Variants in DPP6 observed in about 807,000 individuals in gnomAD.
DPP6 encodes the protein A-type potassium channel modulatory protein DPP6.
In DPP6, 69 loss-of-function variants were observed where a neutral mutation model predicts 122.6. The observed-to-expected ratio is 0.56, with a 90% confidence interval of 0.46 to 0.69. DPP6 has a LOEUF of 0.69. DPP6 is among the 30% of genes least tolerant of loss of function. The probability of loss-of-function intolerance (pLI) is 0.00; values close to 1 mark genes in which losing one functional copy is unlikely to be tolerated. For missense variants in DPP6, 928 were observed against 1,116.9 expected (o/e 0.83, Z 2.41); for synonymous variants, 418 against 433.1 (o/e 0.97, Z 0.43).
At chr7:154,035,879 A>G (rs1316171879) in intron 1 of DPP6, among the ~76,000 whole-genome samples, 1 of 152,142 alleles carries the variant, frequency 6.6e-6, no homozygotes, top group Non-Finnish European at 1.5e-5. Flanking sequence ...TCTCCTTGAT[A>G]TTAGAGACCT....
intron 8 of DPP6, among the ~76,000 whole-genome samples, chr7:154,735,609 G>T (rs1250117507): frequency 6.6e-6 from 1 of 152,136 alleles, no homozygotes; most frequent in African/African-American, 2.4e-5. Flanking sequence ...AAGTATTAAT[G>T]ATCTTGACTT....
At chr7:154,543,419 C>T (rs1563829450) in intron 4 of DPP6, among the ~76,000 whole-genome samples, 1 of 152,212 alleles carries the variant, frequency 6.6e-6, no homozygotes, top group Non-Finnish European at 1.5e-5. Context: ...TTCTTCTTTG[C>T]TCCTGCGCTT....
chr7:154,271,489 T>C (rs1381898024), intron 1 of DPP6, among the ~76,000 whole-genome samples: 1 of 152,208 alleles, frequency 6.6e-6, no homozygotes. Flanking sequence ...TAATGAGGAC[T>C]GAAGAGAAGT....
In DPP6 at chr7:154,082,846, C is replaced by CTTTCTTTTT. The variant is rs1260484862; in HGVS notation, c.243+29786_243+29787insCTTTTTTTT. On this transcript the variant is annotated intron_variant, in intron 1 of 25. Transcript: ENST00000377770. ...CTGTGTGTGCCTATCTTTTCTTTTT[C>CTTTCTTTTT]TTTTTTTTTTTTTTTTTTTTGAGAT... Among the ~76,000 whole-genome samples the CTTTCTTTTT allele has an allele frequency of 2.5e-4, 27 of 106,248 alleles. 1 individual carries two copies. Among genetic ancestry groups the CTTTCTTTTT allele is most frequent in the African/African-American group, 6.0e-4 (15 of 24,928 alleles). The allele number at this position is 106,248 out of a possible 152,430, so 69.7% of individuals were successfully genotyped here. A position where few individuals can be genotyped will look rare whatever the true frequency, so the allele number is the denominator to read the frequency against.
chr7:153,861,102 T>A, the DPP6 span, among the ~76,000 whole-genome samples: 113 of 152,340 alleles, frequency 7.4e-4, no homozygotes, highest in African/African-American at 2.3e-3. Flanking sequence ...TGCTTTTTTT[T>A]AAAATCATAT....
intron 4 of DPP6, among the ~76,000 whole-genome samples, chr7:154,550,062 C>T (rs1207940411): frequency 6.6e-6 from 1 of 152,020 alleles, no homozygotes; most frequent in Non-Finnish European, 1.5e-5. Flanking sequence ...TTAAATTGAA[C>T]ATAACTTTAA....
chr7:154,567,724 C>T (rs1329766354), intron 5 of DPP6, among the ~76,000 whole-genome samples: 6 of 152,150 alleles, frequency 3.9e-5, no homozygotes, highest in African/African-American at 9.7e-5. Flanking sequence ...TTTCCTGGTG[C>T]TTCTGTGAGG....
intron 1 of DPP6, among the ~76,000 whole-genome samples, chr7:153,968,302 G>T (rs1385304733): frequency 6.6e-6 from 1 of 151,736 alleles, no homozygotes; most frequent in Non-Finnish European, 1.5e-5. Flanking sequence ...TTTCCCTGAT[G>T]ATGAGTGATG....
chr7:154,785,311 CTCCTGATATATACCA>C (rs1797274254), intron 10 of DPP6, among the ~76,000 whole-genome samples: 1 of 152,196 alleles, frequency 6.6e-6, no homozygotes, highest in East Asian at 1.9e-4. Flanking sequence ...TTTACACTTT[CTCCTGATATATACCA>C]TCCTATATGG....
At chr7:154,366,208 T>C (rs1812176269) in intron 1 of DPP6, among the ~76,000 whole-genome samples, 1 of 152,168 alleles carries the variant, frequency 6.6e-6, no homozygotes, top group East Asian at 1.9e-4. Flanking sequence ...CAGATTCTGT[T>C]TGGCTGACCA....
chr7:154,881,037 G>T, intron 21 of DPP6, 95 bp downstream of exon 21: 1 of 1,445,444 alleles, frequency 6.9e-7, no homozygotes, highest in Non-Finnish European at 9.1e-7. Flanking sequence ...GAACGTCTGT[G>T]GTCTGCTGGT....
At chr7:154,601,507 C>A (rs372957572) in intron 5 of DPP6, among the ~76,000 whole-genome samples, 2 of 120,648 alleles carry the variant, frequency 1.7e-5, no homozygotes, top group East Asian at 3.6e-4. Context: ...TTCTTCAGTC[C>A]ATTTGTTTGA....
At chr7:154,275,060 G>A (rs1804040331) in intron 1 of DPP6, among the ~76,000 whole-genome samples, 1 of 152,242 alleles carries the variant, frequency 6.6e-6, no homozygotes, top group Non-Finnish European at 1.5e-5. Context: ...GCTCAGGGCA[G>A]CACCTGTGTC....
chr7:153,792,850 C>T, the DPP6 span, among the ~76,000 whole-genome samples: 4 of 152,118 alleles, frequency 2.6e-5, no homozygotes, highest in African/African-American at 9.6e-5. Context: ...CAGTCTTTCC[C>T]ATGCTATTCT....
At chr7:154,765,340 C>G (rs1231442239) in intron 8 of DPP6, among the ~76,000 whole-genome samples, 1 of 152,190 alleles carries the variant, frequency 6.6e-6, no homozygotes, top group East Asian at 1.9e-4. Context: ...GTATAAGCAG[C>G]ACACACATGC....
intron 10 of DPP6, among the ~76,000 whole-genome samples, chr7:154,787,249 G>A (rs1011700995): frequency 1.3e-5 from 2 of 152,156 alleles, no homozygotes; most frequent in African/African-American, 4.8e-5. Flanking sequence ...TAACTACTGT[G>A]AGAAATTTGA....
Position 153,904,193 on chromosome 7 carries a change from A to C in DPP6, c.51+16459A>C, listed in dbSNP as rs373301162. On this transcript the variant is annotated intron_variant, in intron 1 of 25. Coordinates refer to the DPP6 transcript ENST00000404039. Reference sequence around the variant, plus strand: ...CAGCCTCCCAAGTAGCTGGGACTACAGGCACGCACCACTATGCCTGGCTAA... The same window carrying C: ...CAGCCTCCCAAGTAGCTGGGACTACCGGCACGCACCACTATGCCTGGCTAA... Among the ~76,000 whole-genome samples the C allele has an allele frequency of 3.6e-4, 55 of 152,240 alleles. No individual in the cohort carries two copies. In the East Asian group the frequency reaches 8.7e-3, roughly 24 times the overall value.
chr7:154,364,645 C>T (rs780279260), intron 1 of DPP6, among the ~76,000 whole-genome samples: 1 of 152,148 alleles, frequency 6.6e-6, no homozygotes. Context: ...AGGTAGCTGC[C>T]GTTCTCCCAT....
intron 6 of DPP6, among the ~76,000 whole-genome samples, chr7:154,640,833 A>T (rs1165003269): frequency 1.3e-5 from 2 of 152,230 alleles, no homozygotes; most frequent in Non-Finnish European, 2.9e-5. Flanking sequence ...AGATTTTCTT[A>T]ATTTAGAAAA....
Sources: gnomAD v4.1 joint callset for allele counts (sites outside exome capture counted in the v4.1 genomes callset) on GRCh38, gnomAD v4.1.1 for gene constraint, MANE v1.5 for transcripts, NCBI Gene and HGNC (gene_info 2026-07-23, HGNC 2026-07-21) for gene names.